Variants in SH3RF2 observed in about 807,000 individuals in gnomAD.
SH3RF2 encodes E3 ubiquitin-protein ligase SH3RF2.
In SH3RF2, 43 loss-of-function variants were observed where a neutral mutation model predicts 59.0. The observed-to-expected ratio is 0.73, with a 90% CI of 0.57 to 0.94. SH3RF2 has a LOEUF of 0.94. Among genes scored for constraint, SH3RF2 ranks in the 40% least tolerant of loss-of-function variants. The pLI is 0.00. For missense variants in SH3RF2, 930 were observed against 940.1 expected, an observed-to-expected ratio of 0.99 and a Z score of 0.14; for synonymous variants, 391 against 391.5, an observed-to-expected ratio of 1.00 and a Z score of 0.01.
chr5:145,997,978 C>A (rs1760237660), intron 2 of SH3RF2: 8 of 766,138 alleles, frequency 1.0e-5, no homozygotes, highest in South Asian at 8.2e-5. Context: ...TGGTCCCACC[C>A]AGAACATATA....
downstream of SH3RF2, among the ~76,000 whole-genome samples, chr5:146,064,691 A>G (rs1383142755): frequency 1.2e-3 from 8 of 6,414 alleles, no homozygotes; most frequent in African/African-American, 2.9e-3. Context: ...AGAAAGAAAG[A>G]AAGAAAGAAA....
At chr5:146,067,143 G>C (rs781100606), downstream of SH3RF2, among the ~76,000 whole-genome samples, 1 of 152,090 alleles carries the variant, frequency 6.6e-6, no homozygotes, top group East Asian at 1.9e-4. Flanking sequence ...AGGGCTTTCA[G>C]AGCAGGAAGA....
intron 5 of SH3RF2, among the ~76,000 whole-genome samples, chr5:146,047,174 T>TGTGTGTGTGTGTGTGA (rs1762334099): frequency 6.6e-6 from 1 of 152,046 alleles, no homozygotes; most frequent in Non-Finnish European, 1.5e-5. Flanking sequence ...TGTGTGTGTG[T>TGTGTGTGTGTGTGTGA]GTGTTTCTAG....
At chr5:145,958,626 T>C (rs1157770582) in intron 2 of SH3RF2, among the ~76,000 whole-genome samples, 2 of 152,232 alleles carry the variant, frequency 1.3e-5, no homozygotes, top group African/African-American at 2.4e-5. Flanking sequence ...TATCTTCTTA[T>C]ACAAATGTGC....
At chr5:145,953,103 G>GTCTC (rs58627935) in intron 2 of SH3RF2, among the ~76,000 whole-genome samples, 27 of 146,126 alleles carry the variant, frequency 1.8e-4, no homozygotes, top group Admixed American at 3.5e-4. Flanking sequence ...AACACCAACA[G>GTCTC]TCTCTCTCTC....
intron 5 of SH3RF2, among the ~76,000 whole-genome samples, chr5:146,028,614 C>T (rs1761628306): frequency 6.6e-6 from 1 of 152,160 alleles, no homozygotes; most frequent in Non-Finnish European, 1.5e-5. Flanking sequence ...ACCACCCACC[C>T]ACCTGTGGCA....
rs1378340696 is a variant in SH3RF2, at chr5:146,000,078, A to G, written c.399A>G (p.Leu133=). The change falls in exon 3 of 10, where the codon TTA becomes TTG. Residue 133 remains leucine (L), a synonymous_variant. Transcript: ENST00000359120. The part of the protein sequence containing the change: ...HMDGVPRAKA[L]CNYRGQNPGD... ...TGCAGGTGCCTCGAGCAAAGGCCTT[A>G]TGCAACTACAGAGGGCAGAATCCCG... The G allele has an allele frequency of 3.7e-6, 6 of 1,612,996 alleles. No homozygotes were observed. The Admixed American group carries it at 1.0e-4, about 27-fold the overall frequency.
intron 2 of SH3RF2, among the ~76,000 whole-genome samples, chr5:145,958,733 C>T (rs1253260512): frequency 6.6e-6 from 1 of 152,182 alleles, no homozygotes; most frequent in Non-Finnish European, 1.5e-5. Context: ...GACTCTCGGT[C>T]CATGCACTTC....
At chr5:145,966,576 G>A (rs1758865722) in intron 2 of SH3RF2, among the ~76,000 whole-genome samples, 1 of 152,126 alleles carries the variant, frequency 6.6e-6, no homozygotes, top group Non-Finnish European at 1.5e-5. Context: ...TCTAGTTCAC[G>A]AGAATTAAAA....
intron 3 of SH3RF2, among the ~76,000 whole-genome samples, chr5:146,002,728 C>T (rs769709620): frequency 4.6e-5 from 7 of 152,156 alleles, no homozygotes; most frequent in Non-Finnish European, 1.0e-4. Flanking sequence ...CTGAGCTCCA[C>T]CTTCTGTCAG....
At chr5:146,026,964 A>T (rs552251783) in intron 5 of SH3RF2, among the ~76,000 whole-genome samples, 3 of 152,320 alleles carry the variant, frequency 2.0e-5, no homozygotes, top group South Asian at 4.1e-4. Context: ...TGTTATTATT[A>T]TCATTGGGTC....
intron 2 of SH3RF2, among the ~76,000 whole-genome samples, chr5:145,970,807 T>C (rs1759051731): frequency 6.6e-6 from 1 of 151,786 alleles, no homozygotes; most frequent in Non-Finnish European, 1.5e-5. Flanking sequence ...TACTTTTTTT[T>C]AAGAAGGAAG....
At position 145,954,058 on chromosome 5, in the gene SH3RF2, T is replaced by C. The variant is rs564338901; in HGVS notation, c.378+15752T>C. 4.6e-5 allele frequency among the ~76,000 whole-genome samples: 7 copies of C among 152,354 alleles called. No homozygotes were observed. The South Asian group carries it at 1.4e-3, about 32-fold the overall frequency. On this transcript the variant is annotated intron_variant, in intron 2 of 9. Coordinates refer to ENST00000359120, the MANE Select transcript of SH3RF2 (RefSeq NM_152550.4). ...CTTTGTGGTAGATGCTTTATATTTC[T>C]CTGGGTATATACCCAGTAATGGGAT... is the stretch of plus-strand genomic sequence containing the variant.
Position 146,047,850 on chromosome 5 carries a change from C to T in SH3RF2, c.1138C>T (p.Leu380Phe). 1 of 1,614,014 alleles carries T rather than the reference C, an allele frequency of 6.2e-7. No homozygotes were observed. The highest frequency in any genetic ancestry group is 8.5e-7 in the Non-Finnish European group (1 of 1,180,006). ...VVSLPGSQQHLSANMFVALHS... is the reference protein window; with the variant it reads ...VVSLPGSQQHFSANMFVALHS... The stretch of plus-strand genomic sequence containing the variant: ...CAGTCTGCCTGGCTCCCAGCAACAC[C>T]TCTCAGCGAACATGTGAGTAAAAGG... Residue 380 changes from leucine (L) to phenylalanine (F), a missense_variant, in exon 6 of 10, where the codon CTC becomes TTC. Physicochemically the swap from Leu to Phe is conservative, Grantham distance 22. Transcript: ENST00000359120.
chr5:146,048,070 C>T (rs1762370569), intron 6 of SH3RF2, among the ~76,000 whole-genome samples: 1 of 152,132 alleles, frequency 6.6e-6, no homozygotes, highest in Non-Finnish European at 1.5e-5. Flanking sequence ...CCCAGCACTT[C>T]AGTAAGCTGA....
intron 9 of SH3RF2, among the ~76,000 whole-genome samples, chr5:146,072,742 T>C (rs1763264791): frequency 6.6e-6 from 1 of 152,170 alleles, no homozygotes; most frequent in Non-Finnish European, 1.5e-5. Flanking sequence ...ACCTAGTGAA[T>C]CCCTTAGAGG....
intron 2 of SH3RF2, among the ~76,000 whole-genome samples, chr5:145,944,783 T>G (rs1211452810): frequency 6.6e-6 from 1 of 152,214 alleles, no homozygotes; most frequent in African/African-American, 2.4e-5. Context: ...TATTAGCCTC[T>G]TAGTAATATT....
intron 2 of SH3RF2, among the ~76,000 whole-genome samples, chr5:145,961,364 C>T (rs1758624995): frequency 6.6e-6 from 1 of 151,994 alleles, no homozygotes; most frequent in South Asian, 2.1e-4. Context: ...CATTTCTCTT[C>T]TCTAAGAACC....
chr5:146,056,556 G>A (rs1326543199), intron 8 of SH3RF2, among the ~76,000 whole-genome samples: 1 of 152,144 alleles, frequency 6.6e-6, no homozygotes, highest in Non-Finnish European at 1.5e-5. Context: ...TGTATTCCAA[G>A]GAATCCCTCA....
Sources: gnomAD v4.1 joint callset for allele counts (sites outside exome capture counted in the v4.1 genomes callset) on GRCh38, gnomAD v4.1.1 for gene constraint, MANE v1.5 for transcripts, NCBI Gene and HGNC (gene_info 2026-07-23, HGNC 2026-07-21) for gene names.